MLLT6: variants seen among roughly 807,000 people sequenced by gnomAD.
MLLT6 encodes the protein MLLT6, PHD finger containing.
In MLLT6, 22 loss-of-function variants were observed where a neutral mutation model predicts 103.0. That is an observed-to-expected ratio of 0.21 (90% confidence interval 0.15 to 0.31). MLLT6 has a LOEUF of 0.31. MLLT6 is among the 10% of genes least tolerant of loss of function. MLLT6 has a pLI of 1.00. For synonymous variants in MLLT6, 606 were observed against 623.5 expected (o/e 0.97, Z 0.42); for missense variants, 1,199 against 1,441.7 (o/e 0.83, Z 2.73).
chr17:38,705,475 G>T lies in MLLT6; in HGVS notation c.-158G>T. ...GGAGGAGGAGGAGGAGGACGCGGAG[G>T]AGGAGGAAGGAGGAGGCAAAGAAAA... On this transcript the variant is annotated 5_prime_UTR_variant, in exon 1 of 20. The change creates a premature stop within an existing upstream ORF in the 5' untranslated region. Transcript: ENST00000621332. The T allele has an allele frequency of 2.2e-6, 1 of 461,782 alleles. No homozygotes were observed. Among genetic ancestry groups the T allele is most frequent in the Non-Finnish European group, 3.9e-6 (1 of 256,988 alleles). 28.6% of individuals were successfully genotyped at this position (461,782 alleles called of 1,614,324 possible).
chr17:38,712,174 G>T (rs1053560410), intron 7 of MLLT6, 160 bp downstream of exon 7: 5 of 934,524 alleles, frequency 5.4e-6, no homozygotes, highest in East Asian at 1.2e-4. Flanking sequence ...ATGAAACGGT[G>T]GGGGGGTGAG....
At chr17:38,713,247 G>T (rs1028342683) in intron 8 of MLLT6, 9 of 515,122 alleles carry the variant, frequency 1.7e-5, no homozygotes, top group African/African-American at 1.3e-4. Context: ...TGGCATGGGG[G>T]GCAGGCCCCT....
chr17:38,727,934 C>T lies in MLLT6; in HGVS notation c.*2336C>T, dbSNP rs553936561. The T allele has an allele frequency of 3.0e-5, 7 of 233,308 alleles. No individual in the cohort carries two copies. The highest frequency in any genetic ancestry group is 5.1e-5 in the Non-Finnish European group (6 of 118,074). The allele number at this position is 233,308 out of a possible 1,614,324, so 14.5% of individuals were successfully genotyped here. A position where few individuals can be genotyped will look rare whatever the true frequency, so the allele number is the denominator to read the frequency against. On this transcript the variant is annotated 3_prime_UTR_variant, in exon 20 of 20. Transcript: ENST00000621332. ...GATGGGAAGAGAAGTAAGTCTACCC[C>T]GAGGTTGCCATGTTGAAGAGTGAGA...
chr17:38,719,715 C>A (rs1369632094), intron 13 of MLLT6, 35 bp from the exon 14 acceptor site: 2 of 1,593,894 alleles, frequency 1.3e-6, no homozygotes, highest in Non-Finnish European at 1.7e-6. Flanking sequence ...CTGGAGTGGT[C>A]GGGTCGACTG....
At position 38,729,379 on chromosome 17, in the gene MLLT6, A is replaced by C; in HGVS notation, c.*3781A>C. The C allele has an allele frequency of 4.3e-6, 1 of 233,396 alleles. No homozygotes were observed. The highest frequency in any genetic ancestry group is 8.5e-6 in the Non-Finnish European group (1 of 118,056). 14.5% of individuals were successfully genotyped at this position (233,396 alleles called of 1,614,324 possible). On this transcript the variant is annotated 3_prime_UTR_variant, in exon 20 of 20. Transcript: ENST00000621332. ...GTCCATCAGGATTGAGAGTGTGTCT[A>C]GCTCCCGACCACTTTGTCTTGACCT...
At position 38,709,621 on chromosome 17, in the gene MLLT6, AAGATGGTT is replaced by A; in HGVS notation, c.552+50_552+57del. Reference sequence around the variant, plus strand: ...CATGAGCGGGTCAGTCAGCTGTGGTAAGATGGTTAGAGGGCATGGGCTCTGGGCCAGGC... The same window carrying A: ...CATGAGCGGGTCAGTCAGCTGTGGTAAGAGGGCATGGGCTCTGGGCCAGGC... On this transcript the variant is annotated intron_variant, in intron 6 of 19. Coordinates refer to ENST00000621332, the MANE Select transcript of MLLT6 (RefSeq NM_005937.4). This position sits in a 1 kb window ranked among gnomAD's most constrained non-coding sequence, Gnocchi z 4.3. 6.7e-7 allele frequency: 1 copy of A among 1,500,142 alleles called. No individual in the cohort carries two copies. The highest frequency in any genetic ancestry group is 9.3e-7 in the Non-Finnish European group (1 of 1,078,468). 92.9% of individuals were successfully genotyped at this position (1,500,142 alleles called of 1,614,324 possible).
At position 38,716,346 on chromosome 17, in the gene MLLT6, C is replaced by A; in HGVS notation, c.1037-21C>A. The A allele has an allele frequency of 2.5e-6, 4 of 1,596,426 alleles. No individual in the cohort carries two copies. Among genetic ancestry groups the A allele is most frequent in the Non-Finnish European group, 2.6e-6 (3 of 1,174,938 alleles). ...GCGGGGATCTGGGGTCCAGCTGTAA[C>A]TGTTTCCCCTCTGTGCACAGTCTCG... On this transcript the variant is annotated intron_variant, in intron 9 of 19. Coordinates refer to ENST00000621332, the MANE Select transcript of MLLT6 (RefSeq NM_005937.4). This position sits in a 1 kb window ranked among gnomAD's most constrained non-coding sequence, Gnocchi z 5.6.
In MLLT6 at chr17:38,728,279, G is replaced by A. The variant is rs1190774774; in HGVS notation, c.*2681G>A. 1.3e-5 allele frequency: 3 copies of A among 233,376 alleles called. No homozygotes were observed. The highest frequency in any genetic ancestry group is 2.5e-5 in the Non-Finnish European group (3 of 118,090). 14.5% of individuals were successfully genotyped at this position (233,376 alleles called of 1,614,324 possible). A position where few individuals can be genotyped will look rare whatever the true frequency, so the allele number is the denominator to read the frequency against. On this transcript the variant is annotated 3_prime_UTR_variant, in exon 20 of 20. Transcript: ENST00000621332. ...GCTTCAGGAGGAGCAGAATACCAAC[G>A]CAGGGGGATGGCTGTAACGATCTCA...
Position 38,707,759 on chromosome 17 carries a change from C to T in MLLT6, c.245-4C>T. 2.5e-6 allele frequency: 4 copies of T among 1,594,014 alleles called. No individual in the cohort carries two copies. Among genetic ancestry groups the T allele is most frequent in the Non-Finnish European group, 3.4e-6 (4 of 1,162,226 alleles). On this transcript the variant is annotated splice_region_variant and splice_polypyrimidine_tract_variant and intron_variant, in intron 3 of 19. Transcript: ENST00000621332. ...CAGCTGAGGCTACCCCCACACTGCC[C>T]CAGGCTGGGCACACGTGGTGTGTGC...
In MLLT6 at chr17:38,725,685, C is replaced by T. The variant is rs1905988544; in HGVS notation, c.*87C>T. 2.5e-6 allele frequency: 3 copies of T among 1,194,088 alleles called. No individual in the cohort carries two copies. The South Asian group carries it at 4.3e-5, about 17-fold the overall frequency. The allele number at this position is 1,194,088 out of a possible 1,614,324, so 74.0% of individuals were successfully genotyped here. On this transcript the variant is annotated 3_prime_UTR_variant, in exon 20 of 20. Coordinates refer to ENST00000621332, the MANE Select transcript of MLLT6 (RefSeq NM_005937.4). ...CTAGCCTGGAGCAGGCGCCTGCGCC[C>T]AGACCCTGGAGAGCCTTGACCCAGA...
chr17:38,723,271 A>T (rs1189655805), intron 18 of MLLT6, among the ~76,000 whole-genome samples: 1 of 152,216 alleles, frequency 6.6e-6, no homozygotes, highest in African/African-American at 2.4e-5. Flanking sequence ...AGACTGAGGC[A>T]GGCAGATCGC....
At chr17:38,720,025 C>G (rs1184028675) in intron 14 of MLLT6, 130 bp downstream of exon 14, 35 of 1,270,178 alleles carry the variant, frequency 2.8e-5, no homozygotes, top group South Asian at 6.1e-5. Flanking sequence ...TCGGCCACCC[C>G]GGGCCTCACC....
intron 7 of MLLT6, 87 bp downstream of exon 7, chr17:38,712,101 C>G: frequency 2.1e-6 from 3 of 1,425,352 alleles, no homozygotes; most frequent in Non-Finnish European, 2.8e-6. Context: ...ATGAGGTGCC[C>G]TTAAGGTCTT....
At chr17:38,717,997 C>A (rs1456373461) in intron 12 of MLLT6, 44 bp downstream of exon 12, 3 of 1,376,162 alleles carry the variant, frequency 2.2e-6, no homozygotes, top group Non-Finnish European at 3.1e-6. Context: ...TCCCAAAGGT[C>A]GGACACCCAT....
chr17:38,723,788 G>A (rs1161584529), intron 18 of MLLT6, among the ~76,000 whole-genome samples: 9 of 151,018 alleles, frequency 6.0e-5, no homozygotes, highest in Admixed American at 5.9e-4. Flanking sequence ...TGTTGCCCAG[G>A]CTGGAGTGCA....
rs1906032867 is a variant in MLLT6, at chr17:38,726,372, T to TG, written c.*775dup. 1.2e-5 allele frequency: 1 copy of TG among 84,052 alleles called. No homozygotes were observed. Among genetic ancestry groups the TG allele is most frequent in the Admixed American group, 1.6e-4 (1 of 6,408 alleles). 5.2% of individuals were successfully genotyped at this position (84,052 alleles called of 1,614,324 possible). On this transcript the variant is annotated 3_prime_UTR_variant, in exon 20 of 20. Coordinates refer to ENST00000621332, the MANE Select transcript of MLLT6 (RefSeq NM_005937.4). ...GTGTGTGAGTGTGTGTGTGCGTGCATGTGTGTGTGTGTGTGTGTGTGTGTG... is the reference window on the plus strand; with the variant it reads ...GTGTGTGAGTGTGTGTGTGCGTGCATGGTGTGTGTGTGTGTGTGTGTGTGTG...
At chr17:38,707,212 C>T (rs1048873480) in intron 2 of MLLT6, among the ~76,000 whole-genome samples, 183 bp downstream of exon 2, 3 of 152,200 alleles carry the variant, frequency 2.0e-5, no homozygotes, top group Non-Finnish European at 2.9e-5. Context: ...CTCCCTCTGC[C>T]CCACCTCAGG....
In MLLT6 at chr17:38,729,370, A is replaced by G. The variant is rs1487025163; in HGVS notation, c.*3772A>G. On this transcript the variant is annotated 3_prime_UTR_variant, in exon 20 of 20. Coordinates refer to ENST00000621332, the MANE Select transcript of MLLT6 (RefSeq NM_005937.4). ...TCCCACCATGTCCATCAGGATTGAG[A>G]GTGTGTCTAGCTCCCGACCACTTTG... 4.3e-6 allele frequency: 1 copy of G among 233,220 alleles called. No individual in the cohort carries two copies. Among genetic ancestry groups the G allele is most frequent in the Non-Finnish European group, 8.5e-6 (1 of 118,062 alleles). The allele number at this position is 233,220 out of a possible 1,614,324, so 14.4% of individuals were successfully genotyped here.
chr17:38,716,637 G>A lies in MLLT6; in HGVS notation c.1307G>A (p.Gly436Glu), dbSNP rs1341927058. Residue 436 changes from glycine (G) to glutamate (E), a missense_variant, in exon 10 of 20, where the codon GGG becomes GAG. By Grantham distance (98) the Gly-to-Glu change is moderately conservative (BLOSUM62 -2). Around this residue, in one of 7 missense-constraint regions of MLLT6, gnomAD observed 1,034 missense variants for 1,091.5 expected, o/e 0.95. Transcript: ENST00000621332. This position sits in a 1 kb window ranked among gnomAD's most constrained non-coding sequence, Gnocchi z 5.6. ...AAGTCTCCCCACGTCACGGGGTCTG[G>A]GGCCTCGGCAGGCACCCACAAACGG... Reference protein sequence around the residue: ...DYKSPHVTGSGASAGTHKRMP... With the variant: ...DYKSPHVTGSEASAGTHKRMP... 1 of 1,613,750 alleles carries A rather than the reference G, an allele frequency of 6.2e-7. No homozygotes were observed. Among genetic ancestry groups the A allele is most frequent in the Non-Finnish European group, 8.5e-7 (1 of 1,179,944 alleles).
Sources: gnomAD v4.1 joint callset for allele counts (sites outside exome capture counted in the v4.1 genomes callset) on GRCh38, gnomAD v4.1.1 for gene constraint, gnomAD v4.1.1 regional missense constraint, Gnocchi (gnomAD v3.1) non-coding constraint, MANE v1.5 for transcripts, NCBI Gene and HGNC (gene_info 2026-07-23, HGNC 2026-07-21) for gene names.